The following MAPKBP1 variants were observed in gnomAD, a reference collection of about 807,000 sequenced individuals.
MAPKBP1 encodes mitogen-activated protein kinase-binding protein 1.
In MAPKBP1, 71 loss-of-function variants were observed where a neutral mutation model predicts 170.5. The observed-to-expected ratio is 0.42, with a 90% CI of 0.34 to 0.51. MAPKBP1 has a LOEUF of 0.51. Among genes scored for constraint, MAPKBP1 ranks in the 20% least tolerant of loss-of-function variants. MAPKBP1 has a pLI of 0.06. For synonymous variants in MAPKBP1, 719 were observed against 757.9 expected (o/e 0.95, Z 0.84); for missense variants, 1,598 against 1,933.0 (o/e 0.83, Z 3.25).
At chr15:41,815,965 C>G (rs1190376929) in intron 12 of MAPKBP1, among the ~76,000 whole-genome samples, 166 bp downstream of exon 12, 2 of 152,226 alleles carry the variant, frequency 1.3e-5, no homozygotes, top group African/African-American at 2.4e-5. Context: ...ATCATCTTCA[C>G]CAAGTGATCA....
chr15:41,811,075 T>A (rs2064796439), intron 4 of MAPKBP1, 103 bp from the exon 5 acceptor site: 1 of 1,529,048 alleles, frequency 6.5e-7, no homozygotes, highest in Admixed American at 1.7e-5. Context: ...AAGTGCCACA[T>A]GTGCCATTGG....
Position 41,821,590 on chromosome 15 carries a change from A to G in MAPKBP1, c.2725A>G (p.Lys909Glu). ...TCCCTTTGTGTGTTCCCAGAATGAA[A>G]AGCCCCCTCGGCCTCAGGCTTCCCA... Reference protein sequence around the residue: ...LETSLTSQNEKPPRPQASQPC... With the variant: ...LETSLTSQNEEPPRPQASQPC... The change falls in exon 24 of 31, where the codon AAG becomes GAG. Residue 909 changes from lysine to glutamate, a missense_variant. Lys to Glu is a moderately conservative substitution (Grantham distance 56). Around this residue, in one of 6 missense-constraint regions of MAPKBP1, gnomAD observed 942 missense variants for 953.2 expected, o/e 0.99. Transcript: ENST00000457542. The G allele has an allele frequency of 6.2e-7, 1 of 1,611,434 alleles. No homozygotes were observed. Among genetic ancestry groups the G allele is most frequent in the Non-Finnish European group, 8.5e-7 (1 of 1,179,384 alleles).
rs138778029 is a variant in MAPKBP1, at chr15:41,796,810, G to A, written c.115-3013G>A. ...GATCAGAGCCTGTCTCCCAGGCCTG[G>A]CAGAAAGAGATGGTCCGTAGCAGGG... On this transcript the variant is annotated intron_variant, in intron 2 of 30. Coordinates refer to ENST00000457542, the MANE Select transcript of MAPKBP1 (RefSeq NM_014994.3). Among the ~76,000 whole-genome samples, 1,064 of 152,276 alleles carry A rather than the reference G, an allele frequency of 7.0e-3. 12 individuals are homozygous for A. Among genetic ancestry groups the A allele is most frequent in the African/African-American group, 0.025 (1,032 of 41,536 alleles).
At chr15:41,774,781 C>T (rs146027549) in intron 1 of MAPKBP1, 171 bp downstream of exon 1, 2 of 399,776 alleles carry the variant, frequency 5.0e-6, no homozygotes, top group East Asian at 3.6e-5. Flanking sequence ...CGAGCCCCGC[C>T]GCGTCCCCGC....
chr15:41,775,338 C>G lies in MAPKBP1; in HGVS notation c.63C>G (p.Ile21Met), dbSNP rs920542581. 5.6e-6 allele frequency: 9 copies of G among 1,614,182 alleles called. No homozygotes were observed. The highest frequency in any genetic ancestry group is 7.6e-6 in the Non-Finnish European group (9 of 1,180,022). The change falls in exon 2 of 31, where the codon ATC (isoleucine) becomes ATG (methionine). Residue 21 changes from isoleucine (I) to methionine (M), a missense_variant. This residue lies in a region of MAPKBP1 where 151 missense variants were observed against 191.4 expected (regional missense o/e 0.79). Transcript: ENST00000457542. Reference protein sequence around the residue: ...RIKNLLRSPSIKLRRSKAGNR... With the variant: ...RIKNLLRSPSMKLRRSKAGNR... Reference sequence around the variant, plus strand: ...AGAATCTGTTGAGATCTCCATCCATCAAACTGCGCAGGAGTAAGGCAGGAA... The same window carrying G: ...AGAATCTGTTGAGATCTCCATCCATGAAACTGCGCAGGAGTAAGGCAGGAA...
At chr15:41,801,598 A>G (rs1166463540) in intron 3 of MAPKBP1, among the ~76,000 whole-genome samples, 1 of 152,168 alleles carries the variant, frequency 6.6e-6, no homozygotes, top group Non-Finnish European at 1.5e-5. Context: ...CTATAATCCC[A>G]GTACCTTGGG....
chr15:41,824,683 C>G (rs2065060587), intron 30 of MAPKBP1, 114 bp downstream of exon 30: 2 of 1,044,724 alleles, frequency 1.9e-6, no homozygotes, highest in South Asian at 3.1e-5. Flanking sequence ...GGATGGCACA[C>G]TCAAGAACAT....
Position 41,825,651 on chromosome 15 carries a change from A to G in MAPKBP1, c.*215A>G. ...TCACTTCCTTGGAACTCCTGCCTCC[A>G]CAGCCCCTCCAGTGGCAGGGACAGG... On this transcript the variant is annotated 3_prime_UTR_variant, in exon 31 of 31. Transcript: ENST00000457542. 3.9e-6 allele frequency: 2 copies of G among 506,702 alleles called. No individual in the cohort carries two copies. The highest frequency in any genetic ancestry group is 7.0e-6 in the Non-Finnish European group (2 of 285,126). The allele number at this position is 506,702 out of a possible 1,614,324, so 31.4% of individuals were successfully genotyped here. A position where few individuals can be genotyped will look rare whatever the true frequency, so the allele number is the denominator to read the frequency against.
intron 3 of MAPKBP1, among the ~76,000 whole-genome samples, chr15:41,808,354 C>T (rs1243312303): frequency 6.6e-6 from 1 of 151,712 alleles, no homozygotes; most frequent in Non-Finnish European, 1.5e-5. Context: ...ATCTGCCAGC[C>T]TCAGCCTCCC....
chr15:41,803,680 A>G (rs1328658771), intron 3 of MAPKBP1, among the ~76,000 whole-genome samples: 3 of 151,912 alleles, frequency 2.0e-5, no homozygotes, highest in African/African-American at 4.8e-5. Context: ...GTGCCATTGC[A>G]CTCCAGCTTG....
chr15:41,787,327 C>A (rs2064315957), intron 2 of MAPKBP1, among the ~76,000 whole-genome samples: 1 of 149,620 alleles, frequency 6.7e-6, no homozygotes, highest in South Asian at 2.1e-4. Flanking sequence ...GCATTTAAAG[C>A]TCTTTTTGAT....
intron 3 of MAPKBP1, among the ~76,000 whole-genome samples, chr15:41,802,575 G>A (rs2064615708): frequency 6.6e-6 from 1 of 152,192 alleles, no homozygotes; most frequent in Non-Finnish European, 1.5e-5. Context: ...CTGGGTTCAA[G>A]TGATTCTCCT....
chr15:41,803,641 G>C (rs1478914119), intron 3 of MAPKBP1, among the ~76,000 whole-genome samples: 1 of 151,822 alleles, frequency 6.6e-6, no homozygotes, highest in African/African-American at 2.4e-5. Context: ...CTTGAGCCCA[G>C]GAGGTGAAGG....
rs2065140439 is a variant in MAPKBP1, at chr15:41,827,718, T to A, written c.*2282T>A. On this transcript the variant is annotated 3_prime_UTR_variant, in exon 31 of 31. Coordinates refer to ENST00000457542, the MANE Select transcript of MAPKBP1 (RefSeq NM_014994.3). ...GCCCCCGCCTTGTTTTGAAAGCCCC[T>A]TATTTATAACTTTTATACTTTGTGC... 6.1e-6 allele frequency: 1 copy of A among 162,746 alleles called. No homozygotes were observed. The highest frequency in any genetic ancestry group is 2.4e-5 in the African/African-American group (1 of 41,864). 10.1% of individuals were successfully genotyped at this position (162,746 alleles called of 1,614,324 possible).
intron 2 of MAPKBP1, among the ~76,000 whole-genome samples, chr15:41,794,039 G>T (rs933322780): frequency 6.6e-6 from 1 of 152,084 alleles, no homozygotes; most frequent in African/African-American, 2.4e-5. Context: ...AGACCAGCCT[G>T]GGCAACATGG....
intron 2 of MAPKBP1, among the ~76,000 whole-genome samples, chr15:41,785,923 G>A (rs969252929): frequency 1.3e-5 from 2 of 152,174 alleles, no homozygotes; most frequent in African/African-American, 2.4e-5. Context: ...CATACTGCAC[G>A]AAGGTGTATC....
chr15:41,819,552 G>GC (rs1555454052), intron 21 of MAPKBP1, 43 bp from the exon 22 acceptor site: 4 of 1,508,796 alleles, frequency 2.7e-6, no homozygotes, highest in African/African-American at 1.4e-5. Context: ...GGTGGCGGGG[G>GC]GGGGGCAGGA....
chr15:41,818,365 C>T lies in MAPKBP1; in HGVS notation c.2092+60C>T. On this transcript the variant is annotated intron_variant, in intron 18 of 30. Coordinates refer to ENST00000457542, the MANE Select transcript of MAPKBP1 (RefSeq NM_014994.3). The surrounding 1 kb of genome is among the most constrained non-coding windows in gnomAD (Gnocchi z 5.2). ...TACCTGCGTAAACCTGAGTGAGTTCCACCCCTGGAACTTCACTCTTCTATT... is the reference window on the plus strand; with the variant it reads ...TACCTGCGTAAACCTGAGTGAGTTCTACCCCTGGAACTTCACTCTTCTATT... 1 of 1,481,958 alleles carries T rather than the reference C, an allele frequency of 6.7e-7. No homozygotes were observed. The highest frequency in any genetic ancestry group is 9.4e-7 in the Non-Finnish European group (1 of 1,061,794). The allele number at this position is 1,481,958 out of a possible 1,614,324, so 91.8% of individuals were successfully genotyped here.
chr15:41,783,180 G>C (rs1202242459), intron 2 of MAPKBP1, among the ~76,000 whole-genome samples: 2 of 152,178 alleles, frequency 1.3e-5, no homozygotes, highest in African/African-American at 4.8e-5. Flanking sequence ...TCAAACTGTT[G>C]TGCTCTTTGT....
Sources: allele counts gnomAD v4.1 joint callset (sites outside exome capture counted in the v4.1 genomes callset), GRCh38; gene constraint gnomAD v4.1.1; regional missense constraint gnomAD v4.1.1; non-coding constraint Gnocchi (gnomAD v3.1); transcripts MANE v1.5; gene names NCBI Gene and HGNC (gene_info 2026-07-23, HGNC 2026-07-21).